Variants in PAH observed in about 807,000 individuals in gnomAD.
PAH encodes phenylalanine-4-hydroxylase.
In PAH, 64 loss-of-function variants were observed where a neutral mutation model predicts 62.0. The ratio of observed to expected loss-of-function variants is 1.03; its 90% CI spans 0.84 to 1.27. PAH has a LOEUF of 1.27. Among genes scored for constraint, PAH ranks in the 50% most tolerant of loss-of-function variants. PAH has a pLI of 0.00. For synonymous variants in PAH, 195 were observed against 196.2 expected (o/e 0.99, Z 0.05); for missense variants, 579 against 542.8 (o/e 1.07, Z -0.66).
chr12:102,911,829 T>C (rs1878211838), intron 2 of PAH, among the ~76,000 whole-genome samples: 1 of 152,214 alleles, frequency 6.6e-6, no homozygotes, highest in Non-Finnish European at 1.5e-5. Flanking sequence ...ACTAAGTATG[T>C]GCACAGCCCT....
At chr12:102,895,579 G>A (rs972523889) in intron 2 of PAH, among the ~76,000 whole-genome samples, 1 of 152,062 alleles carries the variant, frequency 6.6e-6, no homozygotes, top group African/African-American at 2.4e-5. Flanking sequence ...TGGCGCTGTG[G>A]CTCACGCCTG....
intron 6 of PAH, among the ~76,000 whole-genome samples, chr12:102,854,345 A>G (rs562760278): frequency 6.6e-6 from 1 of 152,280 alleles, no homozygotes; most frequent in Non-Finnish European, 1.5e-5. Flanking sequence ...ACTTCTGCTT[A>G]TTCTACCTGG....
chr12:102,908,558 A>G (rs960088536), intron 2 of PAH, among the ~76,000 whole-genome samples: 1 of 152,166 alleles, frequency 6.6e-6, no homozygotes, highest in Non-Finnish European at 1.5e-5. Context: ...CCCCAGGTTT[A>G]ATTTTTTAAG....
At chr12:102,854,379 G>A (rs113838543) in intron 6 of PAH, among the ~76,000 whole-genome samples, 2 of 152,140 alleles carry the variant, frequency 1.3e-5, no homozygotes, top group Non-Finnish European at 2.9e-5. Context: ...TTCAATATGT[G>A]CTAGTTCATT....
At chr12:102,920,815 T>C (rs912780609), upstream of PAH, among the ~76,000 whole-genome samples, 3 of 152,200 alleles carry the variant, frequency 2.0e-5, no homozygotes, top group African/African-American at 7.2e-5. Context: ...CTTTCAACTG[T>C]GTTCTTAGGA....
intron 4 of PAH, among the ~76,000 whole-genome samples, chr12:102,872,528 C>T (rs545763372): frequency 1.3e-5 from 2 of 152,214 alleles, no homozygotes; most frequent in African/African-American, 4.8e-5. Flanking sequence ...TCTGACAGGG[C>T]CTCAGGTGGA....
chr12:102,938,539 C>T (rs1879181353), intron 1 of PAH, among the ~76,000 whole-genome samples: 1 of 152,194 alleles, frequency 6.6e-6, no homozygotes, highest in African/African-American at 2.4e-5. Flanking sequence ...AGCCTCACCT[C>T]TGCTTCATAT....
chr12:102,953,323 T>C (rs1476354775), upstream of PAH: 1 of 152,232 alleles, frequency 6.6e-6, no homozygotes, highest in African/African-American at 2.4e-5. Flanking sequence ...AAATTATTTG[T>C]CCAATGAAAA....
intron 1 of PAH, among the ~76,000 whole-genome samples, chr12:102,925,092 A>C (rs1310067645): frequency 6.6e-6 from 1 of 152,162 alleles, no homozygotes; most frequent in Non-Finnish European, 1.5e-5. Context: ...TTCATAGAAT[A>C]AAAACTGCCT....
chr12:102,925,337 A>G (rs1266460678), intron 1 of PAH, among the ~76,000 whole-genome samples: 1 of 152,154 alleles, frequency 6.6e-6, no homozygotes, highest in Non-Finnish European at 1.5e-5. Context: ...AGAGCAAAGG[A>G]GGAAAGGTTC....
At chr12:102,914,511 C>T (rs1291656852) in intron 1 of PAH, 2 of 152,424 alleles carry the variant, frequency 1.3e-5, no homozygotes, top group Non-Finnish European at 2.9e-5. Context: ...TTGATCTCTG[C>T]ATACTGTCCA....
rs1433071470 is a variant in PAH at position 102,855,471 on chromosome 12, AAG to A, written c.510-141_510-140del. 3 of 686,038 alleles carry A rather than the reference AAG, an allele frequency of 4.4e-6. No homozygotes were observed. In the African/African-American group the frequency reaches 5.4e-5, roughly 12 times the overall value. 42.5% of individuals were successfully genotyped at this position (686,038 alleles called of 1,614,324 possible). A position where few individuals can be genotyped will look rare whatever the true frequency, so the allele number is the denominator to read the frequency against. Reference sequence around the variant, plus strand: ...ACAGTGAATTTCATACATTATTTGAAAGAGAAAAATTCCACATCTTGATATAG... The same window carrying A: ...ACAGTGAATTTCATACATTATTTGAAAGAAAAATTCCACATCTTGATATAG... On this transcript the variant is annotated intron_variant, in intron 5 of 12. Transcript: ENST00000553106.
chr12:102,841,660 C>T lies in PAH; in HGVS notation c.1200-1145G>A, dbSNP rs137924310. Among the ~76,000 whole-genome samples the T allele has an allele frequency of 5.3e-3, 812 of 152,340 alleles. 3 individuals carry two copies. The highest frequency in any genetic ancestry group is 0.013 in the South Asian group (61 of 4,828). On this transcript the variant is annotated intron_variant, in intron 11 of 12. Transcript: ENST00000553106. ...GGCCAAGTATATATTTCCACCCCTTCTTCTCTGAAAGGAGCTGTCTCAACC... is the reference window on the plus strand; with the variant it reads ...GGCCAAGTATATATTTCCACCCCTTTTTCTCTGAAAGGAGCTGTCTCAACC...
upstream of PAH, among the ~76,000 whole-genome samples, chr12:102,954,254 C>G (rs1879849139): frequency 6.6e-6 from 1 of 152,184 alleles, no homozygotes; most frequent in Non-Finnish European, 1.5e-5. Context: ...GCCAGTATCA[C>G]CACCATTTCT....
chr12:102,946,393 C>G (rs1460293856), intron 1 of PAH, among the ~76,000 whole-genome samples: 1 of 152,236 alleles, frequency 6.6e-6, no homozygotes, highest in Non-Finnish European at 1.5e-5. Context: ...TACCCAAGAG[C>G]TGTTTAGCCC....
intron 5 of PAH, among the ~76,000 whole-genome samples, chr12:102,858,223 CAAAG>C (rs1217236321): frequency 6.6e-6 from 1 of 152,040 alleles, no homozygotes; most frequent in Non-Finnish European, 1.5e-5. Flanking sequence ...TAAAAAGAGA[CAAAG>C]AAGGTCACTA....
At chr12:102,839,891 A>C (rs181093414) in intron 12 of PAH, among the ~76,000 whole-genome samples, 1 of 152,294 alleles carries the variant, frequency 6.6e-6, no homozygotes, top group Admixed American at 6.5e-5. Context: ...CATGAGAACT[A>C]AAAATTGATC....
At chr12:102,895,869 A>AAAAAATATATATATAT (rs953209518) in intron 2 of PAH, among the ~76,000 whole-genome samples, 1 of 118,744 alleles carries the variant, frequency 8.4e-6, no homozygotes, top group African/African-American at 3.6e-5. Context: ...AAAAAAAAAA[A>AAAAAATATATATATAT]ATATATATAT....
chr12:102,922,425 C>A (rs961851391), intron 1 of PAH, among the ~76,000 whole-genome samples: 1 of 152,202 alleles, frequency 6.6e-6, no homozygotes, highest in African/African-American at 2.4e-5. Context: ...ATCTCCTGAA[C>A]TCATGATCCA....
Sources: allele counts gnomAD v4.1 joint callset (sites outside exome capture counted in the v4.1 genomes callset), GRCh38; gene constraint gnomAD v4.1.1; transcripts MANE v1.5; gene names NCBI Gene and HGNC (gene_info 2026-07-23, HGNC 2026-07-21).